Variants in YES1 observed in about 807,000 individuals in gnomAD.
YES1 encodes tyrosine-protein kinase Yes.
Under a neutral mutation model 70.4 loss-of-function variants are expected in YES1, and 39 were observed. The ratio of observed to expected loss-of-function variants is 0.55; its 90% CI spans 0.43 to 0.72. YES1 has a LOEUF of 0.72. Among genes scored for constraint, YES1 ranks in the 30% least tolerant of loss-of-function variants. YES1 has a pLI of 0.00. For missense variants in YES1, 495 were observed against 644.8 expected, an observed-to-expected ratio of 0.77 and a Z score of 2.52; for synonymous variants, 198 against 218.6, an observed-to-expected ratio of 0.91 and a Z score of 0.83.
intron 4 of YES1, 57 bp downstream of exon 4, chr18:747,863 T>C (rs552545782): frequency 6.6e-6 from 10 of 1,509,686 alleles, no homozygotes; most frequent in Middle Eastern, 2.0e-4. Flanking sequence ...AAGTAGAATG[T>C]GCATTAAAAC....
chr18:769,766 GAT>G (rs1394704416), intron 1 of YES1, among the ~76,000 whole-genome samples: 2 of 152,002 alleles, frequency 1.3e-5, no homozygotes, highest in Admixed American at 6.6e-5. Context: ...GCATTCTTGA[GAT>G]AAAACCCAAT....
chr18:746,139 T>G lies in YES1; in HGVS notation c.471-88A>C, dbSNP rs1019117566. On this transcript the variant is annotated intron_variant, in intron 4 of 11. Coordinates refer to ENST00000314574, the MANE Select transcript of YES1 (RefSeq NM_005433.4). Reference sequence around the variant, plus strand: ...GTCAGTAAGAATGGACTGGGATAGGTTTGGACGACAAAGAATAGCTAGAGA... The same window carrying G: ...GTCAGTAAGAATGGACTGGGATAGGGTTGGACGACAAAGAATAGCTAGAGA... 5.5e-6 allele frequency: 5 copies of G among 916,052 alleles called. No individual in the cohort carries two copies. In the Admixed American group the frequency reaches 9.4e-5, roughly 17 times the overall value. The allele number at this position is 916,052 out of a possible 1,614,324, so 56.7% of individuals were successfully genotyped here.
intron 1 of YES1, among the ~76,000 whole-genome samples, chr18:799,508 G>A (rs1158796063): frequency 6.6e-6 from 1 of 152,070 alleles, no homozygotes; most frequent in Non-Finnish European, 1.5e-5. Context: ...TCAGGAGTTT[G>A]AGGCCAGCCT....
At chr18:761,624 T>G (rs898708186) in intron 1 of YES1, among the ~76,000 whole-genome samples, 2 of 152,172 alleles carry the variant, frequency 1.3e-5, no homozygotes, top group African/African-American at 4.8e-5. Flanking sequence ...CTTCCATTAC[T>G]ATGCTTAACC....
At chr18:724,705 G>T in intron 11 of YES1, 73 bp from the exon 12 acceptor site, 1 of 1,164,254 alleles carries the variant, frequency 8.6e-7, no homozygotes, top group Non-Finnish European at 1.3e-6. Context: ...AAACCCCCTA[G>T]CCACTAACTC....
Position 762,046 on chromosome 18 carries a change from C to T in YES1, c.-8-5211G>A, listed in dbSNP as rs369770567. The stretch of plus-strand genomic sequence containing the variant: ...TACTAAAAATACAAAATTAGCTGGG[C>T]GTGGTGGTGCATGCCTGTAATCCCA... On this transcript the variant is annotated intron_variant, in intron 1 of 11. Transcript: ENST00000314574. Among the ~76,000 whole-genome samples the T allele has an allele frequency of 5.6e-4, 86 of 152,232 alleles. No homozygotes were observed. The East Asian group carries it at 7.9e-3, about 14-fold the overall frequency.
chr18:749,195 A>C (rs552755897), intron 3 of YES1, among the ~76,000 whole-genome samples: 67 of 151,624 alleles, frequency 4.4e-4, no homozygotes, highest in African/African-American at 1.4e-3. Flanking sequence ...ACAAAAACCC[A>C]AAAAAACTGC....
intron 6 of YES1, among the ~76,000 whole-genome samples, chr18:745,296 G>A (rs989660681): frequency 6.6e-6 from 1 of 152,116 alleles, no homozygotes; most frequent in Non-Finnish European, 1.5e-5. Context: ...AATTTCACTG[G>A]ATTTATACTT....
At chr18:769,440 T>G (rs1379058777) in intron 1 of YES1, among the ~76,000 whole-genome samples, 1 of 152,196 alleles carries the variant, frequency 6.6e-6, no homozygotes, top group African/African-American at 2.4e-5. Context: ...ATTCACTGAC[T>G]AGTACCTCCA....
At chr18:786,107 A>C (rs1905923078) in intron 1 of YES1, among the ~76,000 whole-genome samples, 1 of 152,204 alleles carries the variant, frequency 6.6e-6, no homozygotes. Context: ...ATAAATTACC[A>C]AATCTGTGGT....
chr18:810,009 GTTTT>G (rs71174293), intron 1 of YES1, among the ~76,000 whole-genome samples: 1 of 142,026 alleles, frequency 7.0e-6, no homozygotes. Context: ...TTCCTTGCAG[GTTTT>G]TTTTTTTTTT....
At position 738,661 on chromosome 18, in the gene YES1, G is replaced by A. The variant is rs1257232176; in HGVS notation, c.1137+1074C>T. On this transcript the variant is annotated intron_variant, in intron 9 of 11. Coordinates refer to ENST00000314574, the MANE Select transcript of YES1 (RefSeq NM_005433.4). ...GCCGAGATTGCACCACTGCATTCCAGCCTGGGTGACAGAGCGAGACTCCCA... is the reference window on the plus strand; with the variant it reads ...GCCGAGATTGCACCACTGCATTCCAACCTGGGTGACAGAGCGAGACTCCCA... The A allele has an allele frequency of 5.9e-5, 8 of 134,954 alleles. No homozygotes were observed. In the Admixed American group the frequency reaches 6.8e-4, roughly 12 times the overall value. 8.4% of individuals were successfully genotyped at this position (134,954 alleles called of 1,614,324 possible).
Position 797,205 on chromosome 18 carries a change from G to A in YES1, c.-9+14909C>T, listed in dbSNP as rs1050780379. 9.9e-5 allele frequency among the ~76,000 whole-genome samples: 15 copies of A among 152,072 alleles called. 1 individual carries two copies. The highest frequency in any genetic ancestry group is 9.2e-4 in the Admixed American group (14 of 15,266). ...CAATAGTAAAACTGGTAAAGATTAT[G>A]AGCAAGCAGTTCACCACAAGGAGAG... On this transcript the variant is annotated intron_variant, in intron 1 of 11. Transcript: ENST00000314574.
At chr18:759,784 T>C (rs1231284799) in intron 1 of YES1, among the ~76,000 whole-genome samples, 1 of 152,146 alleles carries the variant, frequency 6.6e-6, no homozygotes, top group Non-Finnish European at 1.5e-5. Context: ...TATGTATACA[T>C]GTGCCATGTT....
At chr18:809,473 T>C (rs2145847994) in intron 1 of YES1, among the ~76,000 whole-genome samples, 1 of 152,214 alleles carries the variant, frequency 6.6e-6, no homozygotes, top group Non-Finnish European at 1.5e-5. Context: ...ATAATTTTTG[T>C]ACTTTTTAGT....
intron 1 of YES1, among the ~76,000 whole-genome samples, chr18:759,454 C>T (rs1363182368): frequency 1.3e-5 from 2 of 152,054 alleles, no homozygotes; most frequent in Non-Finnish European, 1.5e-5. Context: ...GCGACAAGAA[C>T]GAAACTCCGT....
intron 6 of YES1, among the ~76,000 whole-genome samples, chr18:745,118 T>C (rs534938907): frequency 6.6e-6 from 1 of 152,238 alleles, no homozygotes; most frequent in Admixed American, 6.5e-5. Flanking sequence ...TCTCCTAGTA[T>C]TAATCATGTA....
At chr18:732,134 T>C (rs893625055) in intron 11 of YES1, among the ~76,000 whole-genome samples, 21 of 151,082 alleles carry the variant, frequency 1.4e-4, no homozygotes, top group Non-Finnish European at 2.7e-4. Context: ...ACAAGGCAAG[T>C]ACATATTTAA....
intron 10 of YES1, among the ~76,000 whole-genome samples, chr18:734,707 G>A (rs146615920): frequency 0.019 from 2,891 of 151,932 alleles, 76 homozygotes; most frequent in African/African-American, 0.066. Context: ...AACAATAGAT[G>A]TTGGTGTGGA....
Sources: gnomAD v4.1 joint callset for allele counts (sites outside exome capture counted in the v4.1 genomes callset) on GRCh38, gnomAD v4.1.1 for gene constraint, MANE v1.5 for transcripts, NCBI Gene and HGNC (gene_info 2026-07-23, HGNC 2026-07-21) for gene names.